ARHGDIG: variants seen among roughly 807,000 people sequenced by gnomAD.
The protein encoded by ARHGDIG is Rho GDP dissociation inhibitor gamma, also known as rho GDP-dissociation inhibitor 3.
Under a neutral mutation model 20.2 loss-of-function variants are expected in ARHGDIG, and 14 were observed. The ratio of observed to expected loss-of-function variants is 0.69; its 90% CI spans 0.46 to 1.08. ARHGDIG has a LOEUF of 1.08. Among genes scored for constraint, ARHGDIG ranks in the 50% least tolerant of loss-of-function variants. The probability of loss-of-function intolerance (pLI) is 0.00; values close to 1 mark genes in which losing one functional copy is unlikely to be tolerated. For synonymous variants in ARHGDIG, 193 were observed against 138.6 expected (o/e 1.39, Z -2.76); for missense variants, 311 against 301.8 (o/e 1.03, Z -0.23).
chr16:282,364 C>A lies in ARHGDIG; in HGVS notation c.405C>A (p.Ile135=). The A allele has an allele frequency of 6.2e-7, 1 of 1,612,922 alleles. No individual in the cohort carries two copies. The highest frequency in any genetic ancestry group is 1.3e-5 in the African/African-American group (1 of 74,974). The change falls in exon 4 of 6, where the codon ATC becomes ATA. Residue 135 remains isoleucine (I), a synonymous_variant. Transcript: ENST00000219409. ...AAGGTGTTGATTACAGAGTGAAGAT[C>A]TCCTTCAAGGTGAGAGCCGGGGCAA... ...LKEGVDYRVK[I]SFKVHREIVS... is the part of the protein sequence containing the mutation.
rs375052316 is a variant in ARHGDIG at position 282,697 on chromosome 16, G to A, written c.561G>A (p.Pro187=). ...TTGTGACTCCGGTGGAGGAAGCGCC[G>A]AGGGGTGCGCTGGTGCGGGGCCCCT... The part of the protein sequence containing the change: ...YEFVTPVEEA[P]RGALVRGPYL... Residue 187 remains proline, a synonymous_variant, in exon 6 of 6, where the codon CCG becomes CCA. Coordinates refer to ENST00000219409, the MANE Select transcript of ARHGDIG (RefSeq NM_001176.4). 66 of 1,602,454 alleles carry A rather than the reference G, an allele frequency of 4.1e-5. No individual in the cohort carries two copies. The highest frequency in any genetic ancestry group is 1.7e-4 in the Middle Eastern group (1 of 6,000).
Position 282,925 on chromosome 16 carries a change from C to G in ARHGDIG, c.*111C>G. On this transcript the variant is annotated 3_prime_UTR_variant, in exon 6 of 6. Coordinates refer to ENST00000219409, the MANE Select transcript of ARHGDIG (RefSeq NM_001176.4). ...CCCTCCCCTGCTGCCCCTGCTGCCC[C>G]TGCTGCCCCTGCTCTGTCCCGGGAC... 1 of 1,183,924 alleles carries G rather than the reference C, an allele frequency of 8.4e-7. No individual in the cohort carries two copies. 73.3% of individuals were successfully genotyped at this position (1,183,924 alleles called of 1,614,324 possible).
intron 1 of ARHGDIG, chr16:281,220 C>T (rs548877644): frequency 1.2e-4 from 19 of 154,258 alleles, no homozygotes; most frequent in African/African-American, 4.3e-4. Flanking sequence ...CACCCGAGCA[C>T]CATGGGGAGG....
In ARHGDIG at chr16:281,748, C is replaced by T; in HGVS notation, c.76C>T (p.Leu26Phe). ...LLRLALCARV[L>F]LADKEGGPPA... ...CTCACGCCCCTCCCCACCCCCAGTC[C>T]TCCTGGCTGACAAGGAGGGTGGGCC... Residue 26 changes from leucine to phenylalanine, a missense_variant and splice_region_variant, in exon 2 of 6, where the codon CTC (leucine) becomes TTC (phenylalanine). By Grantham distance (22) the Leu-to-Phe change is conservative. Coordinates refer to ENST00000219409, the MANE Select transcript of ARHGDIG (RefSeq NM_001176.4). 1.3e-6 allele frequency: 2 copies of T among 1,585,902 alleles called. No individual in the cohort carries two copies. The highest frequency in any genetic ancestry group is 1.7e-6 in the Non-Finnish European group (2 of 1,167,136).
chr16:281,933 AG>A lies in ARHGDIG; in HGVS notation c.253+12del. The A allele has an allele frequency of 7.0e-7, 1 of 1,424,796 alleles. No homozygotes were observed. Among genetic ancestry groups the A allele is most frequent in the Non-Finnish European group, 9.3e-7 (1 of 1,072,088 alleles). The allele number at this position is 1,424,796 out of a possible 1,614,324, so 88.3% of individuals were successfully genotyped here. ...CCCTGCCACCGGCCGTGGGTATGGC[AG>A]GGGTCTAGGCTTGGAGGGCTGGGTC... On this transcript the variant is annotated intron_variant, in intron 2 of 5. Coordinates refer to ENST00000219409, the MANE Select transcript of ARHGDIG (RefSeq NM_001176.4).
rs61572786 is a variant in ARHGDIG, at chr16:282,558, C to CG, written c.478+37dup. On this transcript the variant is annotated intron_variant, in intron 5 of 5. Coordinates refer to ENST00000219409, the MANE Select transcript of ARHGDIG (RefSeq NM_001176.4). ...GAGGGCAGCGGTGGGGGGAACGGGG[C>CG]GGGGGGGGGAAGCGGGGGCAGACAG... 1,065 of 1,311,084 alleles carry CG rather than the reference C, an allele frequency of 8.1e-4. 2 individuals are homozygous for CG. Among genetic ancestry groups the CG allele is most frequent in the Middle Eastern group, 3.0e-3 (11 of 3,620 alleles). 81.2% of individuals were successfully genotyped at this position (1,311,084 alleles called of 1,614,324 possible). A position where few individuals can be genotyped will look rare whatever the true frequency, so the allele number is the denominator to read the frequency against.
chr16:282,902 C>T lies in ARHGDIG; in HGVS notation c.*88C>T. 1 of 1,343,150 alleles carries T rather than the reference C, an allele frequency of 7.4e-7. No homozygotes were observed. Among genetic ancestry groups the T allele is most frequent in the Non-Finnish European group, 1.0e-6 (1 of 1,002,352 alleles). 83.2% of individuals were successfully genotyped at this position (1,343,150 alleles called of 1,614,324 possible). ...AGCACCCCCCGTGAGTGACCAGACCCTCCCCTGCTGCCCCTGCTGCCCCTG... is the reference window on the plus strand; with the variant it reads ...AGCACCCCCCGTGAGTGACCAGACCTTCCCCTGCTGCCCCTGCTGCCCCTG... On this transcript the variant is annotated 3_prime_UTR_variant, in exon 6 of 6. Coordinates refer to ENST00000219409, the MANE Select transcript of ARHGDIG (RefSeq NM_001176.4).
At chr16:282,558 C>CGGGGGGGGGGAAGGGGG (rs61572786) in intron 5 of ARHGDIG, 28 bp downstream of exon 5, 2 of 1,313,280 alleles carry the variant, frequency 1.5e-6, no homozygotes, top group Admixed American at 2.5e-5. Flanking sequence ...GGGAACGGGG[C>CGGGGGGGGGGAAGGGGG]GGGGGGGGGA....
chr16:281,400 C>T (rs760163076), intron 1 of ARHGDIG: 4 of 235,352 alleles, frequency 1.7e-5, no homozygotes, highest in Non-Finnish European at 2.5e-5. Context: ...CGCCGAGGGC[C>T]GCTGCTCTCT....
At position 280,657 on chromosome 16, in the gene ARHGDIG, G is replaced by A. The variant is rs1232989497; in HGVS notation, c.-24G>A. On this transcript the variant is annotated 5_prime_UTR_variant, in exon 1 of 6. Transcript: ENST00000219409. This position sits in a 1 kb window ranked among gnomAD's most constrained non-coding sequence, Gnocchi z 6.6. ...CGGGCGGCGGCTCCTCGGCGGCTCCGCGGCGCCCGGGCCGCGCGCCGCCAT... is the reference window on the plus strand; with the variant it reads ...CGGGCGGCGGCTCCTCGGCGGCTCCACGGCGCCCGGGCCGCGCGCCGCCAT... 1.2e-6 allele frequency: 1 copy of A among 850,926 alleles called. No homozygotes were observed. The highest frequency in any genetic ancestry group is 6.2e-5 in the African/African-American group (1 of 16,158). The allele number at this position is 850,926 out of a possible 1,614,324, so 52.7% of individuals were successfully genotyped here.
intron 5 of ARHGDIG, 24 bp downstream of exon 5, chr16:282,554 G>T (rs770846119): frequency 2.0e-6 from 3 of 1,523,432 alleles, no homozygotes; most frequent in Non-Finnish European, 2.6e-6. Flanking sequence ...TGGGGGGAAC[G>T]GGGCGGGGGG....
At position 281,494 on chromosome 16, in the gene ARHGDIG, C is replaced by G. The variant is rs527749924; in HGVS notation, c.74-252C>G. On this transcript the variant is annotated intron_variant, in intron 1 of 5. Coordinates refer to ENST00000219409, the MANE Select transcript of ARHGDIG (RefSeq NM_001176.4). The stretch of plus-strand genomic sequence containing the variant: ...TGGTCTCCGAGTCAGGGAGGGGGCC[C>G]TTGTGGACATCTGGGCCAGAGGAGC... 47 of 476,116 alleles carry G rather than the reference C, an allele frequency of 9.9e-5. No homozygotes were observed. In the South Asian group the frequency reaches 1.6e-3, roughly 17 times the overall value. 29.5% of individuals were successfully genotyped at this position (476,116 alleles called of 1,614,324 possible). A position where few individuals can be genotyped will look rare whatever the true frequency, so the allele number is the denominator to read the frequency against.
intron 4 of ARHGDIG, 27 bp from the exon 5 acceptor site, chr16:282,440 A>C: frequency 1.2e-6 from 2 of 1,612,060 alleles, no homozygotes; most frequent in Non-Finnish European, 8.5e-7. Flanking sequence ...TGGCCCCCAG[A>C]GGAACCCCTA....
chr16:282,161 C>T, intron 3 of ARHGDIG, 53 bp downstream of exon 3: 1 of 1,609,446 alleles, frequency 6.2e-7, no homozygotes. Flanking sequence ...CCCAGGCACG[C>T]TTCTGCACCC....
chr16:281,989 TG>T (rs1158182716), intron 2 of ARHGDIG, 35 bp from the exon 3 acceptor site: 2 of 559,612 alleles, frequency 3.6e-6, no homozygotes, highest in African/African-American at 2.8e-5. Flanking sequence ...CTGGTGGGGG[TG>T]GGGGGCATCC....
At position 282,709 on chromosome 16, in the gene ARHGDIG, G is replaced by T; in HGVS notation, c.573G>T (p.Leu191=). Residue 191 remains leucine, a synonymous_variant, in exon 6 of 6, where the codon CTG becomes CTT. Transcript: ENST00000219409. Reference sequence around the variant, plus strand: ...TGGAGGAAGCGCCGAGGGGTGCGCTGGTGCGGGGCCCCTATCTGGTGGTGT... The same window carrying T: ...TGGAGGAAGCGCCGAGGGGTGCGCTTGTGCGGGGCCCCTATCTGGTGGTGT... ...TPVEEAPRGA[L]VRGPYLVVSL... 1 of 1,603,766 alleles carries T rather than the reference G, an allele frequency of 6.2e-7. No individual in the cohort carries two copies. The highest frequency in any genetic ancestry group is 8.5e-7 in the Non-Finnish European group (1 of 1,175,310).
chr16:282,268 T>C, intron 3 of ARHGDIG, 29 bp from the exon 4 acceptor site: 1 of 1,612,890 alleles, frequency 6.2e-7, no homozygotes. Flanking sequence ...GTAGGGGAGT[T>C]CCGACCCTAG....
intron 4 of ARHGDIG, 24 bp downstream of exon 4, chr16:282,397 A>C: frequency 5.5e-6 from 6 of 1,093,248 alleles, no homozygotes; most frequent in Non-Finnish European, 8.0e-6. Flanking sequence ...CAATGGGCGG[A>C]GGGGATGGGG....
chr16:282,205 C>T (rs1567248006), intron 3 of ARHGDIG, 92 bp from the exon 4 acceptor site: 21 of 1,604,230 alleles, frequency 1.3e-5, no homozygotes, highest in Non-Finnish European at 3.4e-6. Context: ...CACAGTCGCA[C>T]ACCTCATGGG....
Sources: allele counts gnomAD v4.1 joint callset, GRCh38; gene constraint gnomAD v4.1.1; non-coding constraint Gnocchi (gnomAD v3.1); transcripts MANE v1.5; gene names NCBI Gene and HGNC (gene_info 2026-07-23, HGNC 2026-07-21).